NFIA: variants seen among roughly 807,000 people sequenced by gnomAD.
NFIA encodes the protein nuclear factor I A.
Under a neutral mutation model 62.8 loss-of-function variants are expected in NFIA, and 8 were observed. The observed-to-expected ratio is 0.13, with a 90% CI of 0.07 to 0.23. The LOEUF (loss-of-function observed/expected upper bound fraction) is 0.23. Ranked by LOEUF, NFIA falls within the 10% of genes least tolerant of loss-of-function variation. The probability of loss-of-function intolerance (pLI) is 1.00; values close to 1 mark genes in which losing one functional copy is unlikely to be tolerated. For synonymous variants in NFIA, 235 were observed against 238.1 expected, an observed-to-expected ratio of 0.99 and a Z score of 0.12; for missense variants, 410 against 642.1, an observed-to-expected ratio of 0.64 and a Z score of 3.91.
At chr1:61,407,322 A>G (rs2100526936) in intron 9 of NFIA, among the ~76,000 whole-genome samples, 1 of 152,172 alleles carries the variant, frequency 6.6e-6, no homozygotes, top group African/African-American at 2.4e-5. Flanking sequence ...TAGAGGGGAG[A>G]GTAGGATGGA....
chr1:61,272,894 G>A (rs952932569), intron 2 of NFIA, among the ~76,000 whole-genome samples: 3 of 152,248 alleles, frequency 2.0e-5, no homozygotes, highest in East Asian at 1.9e-4. Flanking sequence ...TCTTCATACC[G>A]TCTTTTAATT....
chr1:61,330,674 G>C (rs1172240646), intron 3 of NFIA, among the ~76,000 whole-genome samples: 1 of 152,110 alleles, frequency 6.6e-6, no homozygotes, highest in African/African-American at 2.4e-5. Context: ...GGATTAAATT[G>C]CCTTGTGTTT....
intron 6 of NFIA, among the ~76,000 whole-genome samples, chr1:61,362,180 C>A (rs1663333964): frequency 6.6e-6 from 1 of 152,064 alleles, no homozygotes; most frequent in East Asian, 1.9e-4. Flanking sequence ...GCACAGAGAG[C>A]ACCTTTATGT....
intron 2 of NFIA, among the ~76,000 whole-genome samples, chr1:61,114,125 G>T (rs1468939484): frequency 2.0e-5 from 3 of 152,018 alleles, no homozygotes; most frequent in Admixed American, 6.6e-5. Flanking sequence ...ATACAAAATG[G>T]CAAGAGCACT....
At chr1:61,139,902 A>AAT (rs1178887907) in intron 2 of NFIA, among the ~76,000 whole-genome samples, 1 of 148,884 alleles carries the variant, frequency 6.7e-6, no homozygotes, top group African/African-American at 2.5e-5. Context: ...AAAAAAAAAA[A>AAT]GTTGGTATCT....
chr1:61,233,132 C>G (rs1033951080), intron 2 of NFIA, among the ~76,000 whole-genome samples: 1 of 152,100 alleles, frequency 6.6e-6, no homozygotes, highest in African/African-American at 2.4e-5. Flanking sequence ...CTTTCACAGA[C>G]ATTGATTCAG....
intron 9 of NFIA, among the ~76,000 whole-genome samples, chr1:61,407,415 T>C (rs1665896345): frequency 6.6e-6 from 1 of 152,176 alleles, no homozygotes; most frequent in East Asian, 1.9e-4. Context: ...CCCTTTTAGA[T>C]GATGGGAATG....
At chr1:61,423,891 A>C (rs974105675) in intron 9 of NFIA, among the ~76,000 whole-genome samples, 1 of 152,062 alleles carries the variant, frequency 6.6e-6, no homozygotes, top group Non-Finnish European at 1.5e-5. Context: ...CCCAGAAGCT[A>C]GCTTTCTATG....
intron 7 of NFIA, among the ~76,000 whole-genome samples, chr1:61,385,048 A>G (rs1272574081): frequency 6.6e-6 from 1 of 152,094 alleles, no homozygotes; most frequent in Non-Finnish European, 1.5e-5. Context: ...CCTGGCCAAC[A>G]TGGTGAAACC....
chr1:61,224,584 C>T (rs1400996375), intron 2 of NFIA, among the ~76,000 whole-genome samples: 1 of 152,148 alleles, frequency 6.6e-6, no homozygotes, highest in Non-Finnish European at 1.5e-5. Flanking sequence ...TAAAAATCAT[C>T]TTCCTGCTGA....
At chr1:61,282,182 C>G (rs1020803153) in intron 3 of NFIA, among the ~76,000 whole-genome samples, 1 of 152,082 alleles carries the variant, frequency 6.6e-6, no homozygotes, top group African/African-American at 2.4e-5. Context: ...CCGCCCCCAC[C>G]CCCACTTCAA....
chr1:61,288,074 A>G (rs960461645), intron 3 of NFIA, among the ~76,000 whole-genome samples: 2 of 152,208 alleles, frequency 1.3e-5, no homozygotes, highest in Non-Finnish European at 2.9e-5. Flanking sequence ...TAGGTACAAT[A>G]TAATAGTTGA....
At chr1:61,131,829 A>G (rs910908413) in intron 2 of NFIA, among the ~76,000 whole-genome samples, 4 of 152,116 alleles carry the variant, frequency 2.6e-5, no homozygotes, top group Non-Finnish European at 5.9e-5. Context: ...GATACAGACC[A>G]AGCTGTTTTT....
At chr1:61,154,451 C>T (rs1648648267) in intron 2 of NFIA, among the ~76,000 whole-genome samples, 5 of 152,176 alleles carry the variant, frequency 3.3e-5, no homozygotes, top group South Asian at 2.1e-4. Flanking sequence ...CCACCACACC[C>T]GGCCTTATTT....
At chr1:61,349,446 A>G (rs958994094) in intron 4 of NFIA, among the ~76,000 whole-genome samples, 4 of 152,214 alleles carry the variant, frequency 2.6e-5, no homozygotes, top group African/African-American at 9.6e-5. Context: ...CCTCGATTCC[A>G]TAGTTCCATT....
intron 10 of NFIA, among the ~76,000 whole-genome samples, chr1:61,445,765 A>G (rs1272862427): frequency 6.6e-6 from 1 of 152,312 alleles, no homozygotes; most frequent in African/African-American, 2.4e-5. Flanking sequence ...TCATGTAATT[A>G]TGCTCCTTAC....
intron 3 of NFIA, among the ~76,000 whole-genome samples, chr1:61,319,258 A>G (rs1242794679): frequency 6.6e-6 from 1 of 152,182 alleles, no homozygotes; most frequent in African/African-American, 2.4e-5. Flanking sequence ...ACACCTAAAG[A>G]CTTCACTAAA....
chr1:61,105,789 T>C (rs1353817213), intron 2 of NFIA, among the ~76,000 whole-genome samples: 1 of 151,806 alleles, frequency 6.6e-6, no homozygotes, highest in Non-Finnish European at 1.5e-5. Flanking sequence ...TTTCTTGACT[T>C]AGCACACCTA....
intron 2 of NFIA, chr1:61,133,109 C>T (rs1647110728): frequency 6.6e-6 from 1 of 152,198 alleles, no homozygotes; most frequent in Non-Finnish European, 1.5e-5. Flanking sequence ...TTTTGAACCT[C>T]TCCTTTTTCT....
Sources: allele counts gnomAD v4.1 joint callset (sites outside exome capture counted in the v4.1 genomes callset), GRCh38; gene constraint gnomAD v4.1.1; transcripts MANE v1.5; gene names NCBI Gene and HGNC (gene_info 2026-07-23, HGNC 2026-07-21).